The following JUP variants were observed in gnomAD, a reference collection of about 807,000 sequenced individuals.
JUP encodes the protein catenin (cadherin-associated protein), gamma 80kDa.
Under a neutral mutation model 71.1 loss-of-function variants are expected in JUP, and 28 were observed. The ratio of observed to expected loss-of-function variants is 0.39; its 90% CI spans 0.29 to 0.54. The LOEUF (loss-of-function observed/expected upper bound fraction) is 0.54, where lower values mean the gene tolerates loss of function less well. JUP is among the 20% of genes least tolerant of loss of function. JUP has a pLI of 0.62. For missense variants in JUP, 869 were observed against 1,030.1 expected, an observed-to-expected ratio of 0.84 and a Z score of 2.14; for synonymous variants, 401 against 438.9, an observed-to-expected ratio of 0.91 and a Z score of 1.08.
intron 1 of JUP, among the ~76,000 whole-genome samples, chr17:41,784,531 A>G (rs1555611238): frequency 2.6e-5 from 4 of 152,142 alleles, no homozygotes; most frequent in Admixed American, 2.6e-4. Flanking sequence ...CAACATAATT[A>G]CAATGCCCTC....
In JUP at chr17:41,770,753, A is replaced by T. The variant is rs1030004258; in HGVS notation, c.208+894T>A. Among the ~76,000 whole-genome samples the T allele has an allele frequency of 2.6e-5, 4 of 152,178 alleles. No individual in the cohort carries two copies. The East Asian group carries it at 5.8e-4, about 22-fold the overall frequency. On this transcript the variant is annotated intron_variant, in intron 2 of 13. Transcript: ENST00000393931. ...AGGCTTGGGCTGGCGGGGCATCCCCATCCCGGACTAAGCCCCAGAGCTGAG... is the reference window on the plus strand; with the variant it reads ...AGGCTTGGGCTGGCGGGGCATCCCCTTCCCGGACTAAGCCCCAGAGCTGAG...
At chr17:41,767,841 C>A (rs1915970485) in intron 4 of JUP, among the ~76,000 whole-genome samples, 1 of 152,222 alleles carries the variant, frequency 6.6e-6, no homozygotes, top group African/African-American at 2.4e-5. Flanking sequence ...CACAGTAGGT[C>A]CCCTAGACAC....
At chr17:41,762,123 CAGAGAGAGAGAGAGAGAG>C (rs528611507) in intron 8 of JUP, among the ~76,000 whole-genome samples, 1,528 of 69,246 alleles carry the variant, frequency 0.022, 32 homozygotes, top group Middle Eastern at 0.085. Flanking sequence ...TGCAGAGAGA[CAGAGAGAGAGAGAGAGAG>C]AGAGAGAGAG....
intron 1 of JUP, chr17:41,772,792 C>G (rs1916865429): frequency 9.1e-6 from 9 of 985,432 alleles, no homozygotes; most frequent in Non-Finnish European, 1.1e-5. Context: ...GAACCCCTCT[C>G]TCTCTCTGCA....
intron 12 of JUP, among the ~76,000 whole-genome samples, chr17:41,756,452 T>C (rs1462866328): frequency 2.0e-5 from 3 of 151,378 alleles, no homozygotes; most frequent in Non-Finnish European, 2.9e-5. Context: ...CAAAAAAAAT[T>C]AGCTGGGCGT....
Position 41,758,455 on chromosome 17 carries a change from C to A in JUP, c.1717G>T (p.Asp573Tyr), listed in dbSNP as rs897180029. 5.6e-6 allele frequency: 9 copies of A among 1,614,074 alleles called. No individual in the cohort carries two copies. Among genetic ancestry groups the A allele is most frequent in the Non-Finnish European group, 2.5e-6 (3 of 1,180,020 alleles). The change falls in exon 10 of 14, where the codon GAC becomes TAC. Residue 573 changes from aspartate (D) to tyrosine (Y), a missense_variant. Coordinates refer to ENST00000393931, the MANE Select transcript of JUP (RefSeq NM_002230.4). The part of the protein sequence containing the change: ...CTGALHILAR[D>Y]PMNRMEIFRL... ...AAGATCTCCATGCGGTTCATGGGGT[C>A]CCGGGCGAGGATGTGCAGTGCTCCG... is the stretch of plus-strand genomic sequence containing the variant.
At chr17:41,757,338 AG>A (rs1369281742) in intron 12 of JUP, 76 bp downstream of exon 12, 3 of 1,477,554 alleles carry the variant, frequency 2.0e-6, no homozygotes, top group African/African-American at 2.8e-5. Context: ...CAGTAGTAGG[AG>A]ACCCCCAAAA....
Position 41,786,703 on chromosome 17 carries a change from C to G in JUP, c.-124G>C, listed in dbSNP as rs2047473456. The G allele has an allele frequency of 6.6e-6, 1 of 152,380 alleles. No homozygotes were observed. The highest frequency in any genetic ancestry group is 2.4e-5 in the African/African-American group (1 of 41,478). 9.4% of individuals were successfully genotyped at this position (152,380 alleles called of 1,614,324 possible). On this transcript the variant is annotated 5_prime_UTR_variant, in exon 1 of 14. Transcript: ENST00000393931. ...CGGCTGCTCCGGACTCTGGCCAAGG[C>G]AGCAACTCAGTAACCGAACAAAAGG...
intron 1 of JUP, among the ~76,000 whole-genome samples, chr17:41,772,568 C>A (rs1916835630): frequency 6.6e-6 from 1 of 152,148 alleles, no homozygotes; most frequent in African/African-American, 2.4e-5. Flanking sequence ...TTCCTCTCCC[C>A]ACAGAACCTC....
chr17:41,778,890 G>T (rs1214210461), intron 1 of JUP, among the ~76,000 whole-genome samples: 1 of 148,818 alleles, frequency 6.7e-6, no homozygotes, highest in Non-Finnish European at 1.5e-5. Context: ...CAGCCTGGGT[G>T]ACAGAGCGAG....
At chr17:41,765,736 CTA>C (rs1371071564) in intron 5 of JUP, among the ~76,000 whole-genome samples, 3 of 152,214 alleles carry the variant, frequency 2.0e-5, no homozygotes, top group Non-Finnish European at 2.9e-5. Flanking sequence ...CATGACAAAA[CTA>C]TATGCACACC....
rs557424019 is a variant in JUP at position 41,760,944 on chromosome 17, C to T, written c.1497+2039G>A. ...CTGTGCCCGTTGACAAGACCCTCAT[C>T]GATGGTAGCTTCCTCACTCTCTGGC... On this transcript the variant is annotated intron_variant, in intron 8 of 13. Coordinates refer to ENST00000393931, the MANE Select transcript of JUP (RefSeq NM_002230.4). 3.5e-4 allele frequency among the ~76,000 whole-genome samples: 53 copies of T among 152,290 alleles called. 1 individual carries two copies. The South Asian group carries it at 0.01, about 30-fold the overall frequency.
At chr17:41,764,688 C>A in intron 7 of JUP, 25 bp downstream of exon 7, 1 of 1,602,132 alleles carries the variant, frequency 6.2e-7, no homozygotes, top group South Asian at 1.1e-5. Context: ...AAGAGGTCAA[C>A]CCCAGGCCCA....
rs551123515 is a variant in JUP at position 41,767,677 on chromosome 17, C to T, written c.708-97G>A. The T allele has an allele frequency of 2.4e-4, 211 of 887,420 alleles. No homozygotes were observed. In the African/African-American group the frequency reaches 2.9e-3, roughly 12 times the overall value. 55.0% of individuals were successfully genotyped at this position (887,420 alleles called of 1,614,324 possible). The stretch of plus-strand genomic sequence containing the variant: ...TCCCACCTCCCCCAGGAAGCCTCCC[C>T]GCTACTGACGCCCCTCTGGAAATAT... On this transcript the variant is annotated intron_variant, in intron 4 of 13. Coordinates refer to ENST00000393931, the MANE Select transcript of JUP (RefSeq NM_002230.4).
intron 5 of JUP, among the ~76,000 whole-genome samples, chr17:41,765,553 A>T (rs1281262592): frequency 2.0e-5 from 3 of 151,368 alleles, no homozygotes; most frequent in African/African-American, 7.3e-5. Context: ...GGGTTTCACT[A>T]TGTTGGCCAG....
At chr17:41,780,383 C>T (rs756345333) in intron 1 of JUP, among the ~76,000 whole-genome samples, 7 of 151,406 alleles carry the variant, frequency 4.6e-5, no homozygotes, top group South Asian at 2.1e-4. Context: ...AGGGACAGAG[C>T]GAGTCCCTAC....
At chr17:41,773,214 C>A (rs1916929329) in intron 1 of JUP, among the ~76,000 whole-genome samples, 1 of 152,166 alleles carries the variant, frequency 6.6e-6, no homozygotes, top group Non-Finnish European at 1.5e-5. Context: ...GTGATGGGGA[C>A]CAGGTGAGGG....
intron 1 of JUP, among the ~76,000 whole-genome samples, chr17:41,783,285 G>GTT (rs143614122): frequency 5.9e-5 from 5 of 85,236 alleles, no homozygotes; most frequent in African/African-American, 1.9e-4. Context: ...AATGATACGC[G>GTT]TTTTTTTTGT....
chr17:41,761,055 T>C (rs1194575960), intron 8 of JUP, among the ~76,000 whole-genome samples: 6 of 152,028 alleles, frequency 3.9e-5, no homozygotes, highest in African/African-American at 1.4e-4. Context: ...CATAACTCTG[T>C]CCCTTGGGTC....
Sources: gnomAD v4.1 joint callset for allele counts (sites outside exome capture counted in the v4.1 genomes callset) on GRCh38, gnomAD v4.1.1 for gene constraint, MANE v1.5 for transcripts, NCBI Gene and HGNC (gene_info 2026-07-23, HGNC 2026-07-21) for gene names.